HSD17B12: variants seen among roughly 807,000 people sequenced by gnomAD.
HSD17B12 encodes the protein hydroxysteroid 17-beta dehydrogenase 12.
A neutral mutation model predicts 39.3 loss-of-function variants in HSD17B12; 32 were observed. The observed-to-expected ratio is 0.81, with a 90% confidence interval of 0.61 to 1.09. The LOEUF is 1.09. Among genes scored for constraint, HSD17B12 ranks in the 50% least tolerant of loss-of-function variants. The pLI, the probability that HSD17B12 is intolerant of heterozygous loss-of-function variation, is 0.00. For synonymous variants in HSD17B12, 150 were observed against 146.7 expected (o/e 1.02, Z -0.16); for missense variants, 342 against 382.9 (o/e 0.89, Z 0.89).
intron 1 of HSD17B12, among the ~76,000 whole-genome samples, chr11:43,703,845 A>T (rs960160973): frequency 6.6e-6 from 1 of 152,142 alleles, no homozygotes; most frequent in African/African-American, 2.4e-5. Flanking sequence ...TAACTTTAAA[A>T]AAAGAACAAC....
At chr11:43,603,381 A>C in the HSD17B12 span, among the ~76,000 whole-genome samples, 1 of 152,120 alleles carries the variant, frequency 6.6e-6, no homozygotes, top group Admixed American at 6.5e-5. Context: ...TTAAAAAAAA[A>C]CTTTAGGTTG....
chr11:43,817,032 A>C (rs967914635), intron 6 of HSD17B12, among the ~76,000 whole-genome samples: 1 of 23,796 alleles, frequency 4.2e-5, no homozygotes, highest in African/African-American at 1.0e-4. Context: ...CTATATCTAT[A>C]TCTATATCTA....
At chr11:43,820,483 C>A (rs962123766) in intron 6 of HSD17B12, among the ~76,000 whole-genome samples, 1 of 152,234 alleles carries the variant, frequency 6.6e-6, no homozygotes, top group Admixed American at 6.5e-5. Flanking sequence ...GGGCCAGGGC[C>A]ACATTTTCAG....
In HSD17B12 at chr11:43,772,748, A is replaced by C. The variant is rs115398111; in HGVS notation, c.283+18627A>C. 1.8e-3 allele frequency among the ~76,000 whole-genome samples: 280 copies of C among 152,282 alleles called. 2 individuals carry two copies. The highest frequency in any genetic ancestry group is 6.4e-3 in the African/African-American group (267 of 41,558). On this transcript the variant is annotated intron_variant, in intron 3 of 10. Coordinates refer to ENST00000278353, the MANE Select transcript of HSD17B12 (RefSeq NM_016142.3). The stretch of plus-strand genomic sequence containing the variant: ...ACAGAGTATCATGGGAATGTGAGCT[A>C]TTTCTAATCTTTTTTTGTGAATGAG...
rs151155810 is a variant in HSD17B12, at chr11:43,698,883, C to T, written c.160+17896C>T. ...GTTGCAACTTTGTTGTGATCAACAC[C>T]TGAGTCTCTTGATGTGATTATCTAA... On this transcript the variant is annotated intron_variant, in intron 1 of 10. Transcript: ENST00000278353. Among the ~76,000 whole-genome samples the T allele has an allele frequency of 7.4e-4, 112 of 152,208 alleles. 2 individuals carry two copies. In the East Asian group the frequency reaches 0.017, roughly 23 times the overall value.
chr11:43,806,544 A>C (rs7112511), intron 4 of HSD17B12: 1 of 151,962 alleles, frequency 6.6e-6, no homozygotes, highest in South Asian at 2.1e-4. Flanking sequence ...ATTTGCAGCA[A>C]TATGGATGGA....
At chr11:43,819,237 A>G (rs527968826) in intron 6 of HSD17B12, among the ~76,000 whole-genome samples, 131 of 152,272 alleles carry the variant, frequency 8.6e-4, no homozygotes, top group Non-Finnish European at 1.3e-3. Flanking sequence ...CTGCTTGTCT[A>G]CACTTACATG....
At chr11:43,841,609 T>C (rs1951426843) in intron 9 of HSD17B12, among the ~76,000 whole-genome samples, 2 of 152,216 alleles carry the variant, frequency 1.3e-5, no homozygotes, top group Non-Finnish European at 1.5e-5. Flanking sequence ...ACACAAAATA[T>C]GAGAGAAAGC....
At chr11:43,677,370 C>G (rs1949701234), upstream of HSD17B12, among the ~76,000 whole-genome samples, 1 of 152,098 alleles carries the variant, frequency 6.6e-6, no homozygotes, top group Non-Finnish European at 1.5e-5. Flanking sequence ...GAGCCCAAAT[C>G]CATGCCAGAG....
chr11:43,850,889 C>T (rs1951524257), intron 9 of HSD17B12, among the ~76,000 whole-genome samples: 1 of 152,120 alleles, frequency 6.6e-6, no homozygotes, highest in African/African-American at 2.4e-5. Context: ...TGGAGAAACT[C>T]CATCTCTACT....
At chr11:43,728,486 A>G (rs915198804) in intron 1 of HSD17B12, among the ~76,000 whole-genome samples, 1 of 152,120 alleles carries the variant, frequency 6.6e-6, no homozygotes, top group Non-Finnish European at 1.5e-5. Context: ...TAAAAAAAAA[A>G]GAAAAGAAAA....
chr11:43,755,542 A>G (rs559998114), intron 3 of HSD17B12: 4 of 152,328 alleles, frequency 2.6e-5, no homozygotes, highest in Non-Finnish European at 1.5e-5. Flanking sequence ...ATTTATCTCT[A>G]TGAGTCCTTG....
intron 1 of HSD17B12, among the ~76,000 whole-genome samples, chr11:43,737,397 C>G (rs182469664): frequency 6.6e-6 from 1 of 152,138 alleles, no homozygotes; most frequent in Non-Finnish European, 1.5e-5. Context: ...GGAAGTGGAG[C>G]CCTGGTCAGT....
chr11:43,738,053 T>TC (rs1182513655), intron 1 of HSD17B12, among the ~76,000 whole-genome samples: 1 of 94,746 alleles, frequency 1.1e-5, no homozygotes, highest in East Asian at 2.4e-4. Flanking sequence ...CCAGACTCTG[T>TC]CCCAAAAAAA....
At chr11:43,560,975 C>T in the HSD17B12 span, among the ~76,000 whole-genome samples, 2 of 152,174 alleles carry the variant, frequency 1.3e-5, no homozygotes, top group Non-Finnish European at 2.9e-5. Flanking sequence ...CTTTCTTCTC[C>T]TCTAAGCAAG....
chr11:43,564,459 A>G, the HSD17B12 span, among the ~76,000 whole-genome samples: 1 of 152,220 alleles, frequency 6.6e-6, no homozygotes, highest in East Asian at 1.9e-4. Context: ...CACTTCCCCA[A>G]AGCTAGAGGG....
the HSD17B12 span, among the ~76,000 whole-genome samples, chr11:43,577,306 T>C: frequency 1.3e-5 from 2 of 152,068 alleles, no homozygotes; most frequent in Non-Finnish European, 2.9e-5. Flanking sequence ...TTCAAAGGGA[T>C]AGTCGTGACT....
rs189875709 is a variant in HSD17B12, at chr11:43,693,720, A to C, written c.160+12733A>C. The stretch of plus-strand genomic sequence containing the variant: ...AATACCAGTGTAAAAAAATCCTTTA[A>C]TATTCCTAGTCTGGAGAAAACTTCT... On this transcript the variant is annotated intron_variant, in intron 1 of 10. Transcript: ENST00000278353. Among the ~76,000 whole-genome samples, 117 of 152,360 alleles carry C rather than the reference A, an allele frequency of 7.7e-4. 1 individual carries two copies. Among genetic ancestry groups the C allele is most frequent in the South Asian group, 1.9e-3 (9 of 4,826 alleles).
intron 3 of HSD17B12, among the ~76,000 whole-genome samples, chr11:43,762,943 T>G (rs1457514108): frequency 6.6e-6 from 1 of 152,192 alleles, no homozygotes; most frequent in African/African-American, 2.4e-5. Flanking sequence ...TGAGCTTCTC[T>G]TATTGATTTA....
Sources: gnomAD v4.1 joint callset for allele counts (sites outside exome capture counted in the v4.1 genomes callset) on GRCh38, gnomAD v4.1.1 for gene constraint, MANE v1.5 for transcripts, NCBI Gene and HGNC (gene_info 2026-07-23, HGNC 2026-07-21) for gene names.